SCIN: variants seen among roughly 807,000 people sequenced by gnomAD.
SCIN encodes scinderin, also known as adseverin.
A neutral mutation model predicts 91.8 loss-of-function variants in SCIN; 91 were observed. The ratio of observed to expected loss-of-function variants is 0.99; its 90% CI spans 0.84 to 1.18. The LOEUF is 1.18. SCIN is among the 50% of genes most tolerant of loss of function. SCIN has a pLI of 0.00. For missense variants in SCIN, 1,087 were observed against 863.9 expected, an observed-to-expected ratio of 1.26 and a Z score of -3.24; for synonymous variants, 367 against 312.6, an observed-to-expected ratio of 1.17 and a Z score of -1.84.
rs141073500 is a variant in SCIN, at chr7:12,596,670, A to G, written c.517-7844A>G. Among the ~76,000 whole-genome samples the G allele has an allele frequency of 1.4e-4, 20 of 138,826 alleles. No homozygotes were observed. In the East Asian group the frequency reaches 4.1e-3, roughly 28 times the overall value. 91.1% of individuals were successfully genotyped at this position (138,826 alleles called of 152,430 possible). A position where few individuals can be genotyped will look rare whatever the true frequency, so the allele number is the denominator to read the frequency against. ...GTGGCTGGCAGAAATGCTTTTTGTT[A>G]AAGTATGACTGTAAGCTTTTTTTTT... On this transcript the variant is annotated intron_variant, in intron 3 of 15. Transcript: ENST00000297029.
rs1163834493 is a variant in SCIN at position 12,644,142 on chromosome 7, A to T, written c.1586A>T (p.Asp529Val). The T allele has an allele frequency of 6.2e-7, 1 of 1,611,546 alleles. No individual in the cohort carries two copies. The highest frequency in any genetic ancestry group is 1.1e-5 in the South Asian group (1 of 90,680). Residue 529 changes from aspartate to valine, a missense_variant, in exon 12 of 16, where the codon GAT becomes GTT. Transcript: ENST00000297029. ...LASITRIVEVDVDANSLNSND... is the reference protein window; with the variant it reads ...LASITRIVEVVVDANSLNSND... ...TTATTTTTCTTCATATTCCAGGTTGATGTTGATGCAAATTCACTGAATTCT... is the reference window on the plus strand; with the variant it reads ...TTATTTTTCTTCATATTCCAGGTTGTTGTTGATGCAAATTCACTGAATTCT...
chr7:12,628,450 C>G (rs1300006509), intron 8 of SCIN, among the ~76,000 whole-genome samples: 1 of 152,116 alleles, frequency 6.6e-6, no homozygotes, highest in Non-Finnish European at 1.5e-5. Flanking sequence ...AGACTTTTTG[C>G]TGCATCCTCA....
At chr7:12,600,326 T>C (rs1782932515) in intron 3 of SCIN, among the ~76,000 whole-genome samples, 2 of 152,120 alleles carry the variant, frequency 1.3e-5, no homozygotes. Flanking sequence ...ATAAGAATAA[T>C]ACATTGACAT....
chr7:12,634,372 C>T (rs1055236291), intron 9 of SCIN, among the ~76,000 whole-genome samples: 1 of 151,912 alleles, frequency 6.6e-6, no homozygotes, highest in Non-Finnish European at 1.5e-5. Flanking sequence ...GTAGTCCCAG[C>T]TACTCGGGAG....
intron 4 of SCIN, among the ~76,000 whole-genome samples, chr7:12,606,354 G>C (rs929251349): frequency 3.3e-5 from 5 of 152,062 alleles, no homozygotes; most frequent in Middle Eastern, 3.2e-3. Flanking sequence ...CTATCTAAAG[G>C]CTATCTCATA....
rs1345065083 is a variant in SCIN, at chr7:12,622,859, A to G, written c.725A>G (p.Asp242Gly). Residue 242 changes from aspartate (D) to glycine (G), a missense_variant, in exon 5 of 16, where the codon GAC becomes GGC. Coordinates refer to ENST00000297029, the MANE Select transcript of SCIN (RefSeq NM_001112706.3). ...GGTGATGATGATGACATTATAGCAG[A>G]CATAAGTAACAGGAAAATGGCTAAA... ...DGGDDDDIIA[D>G]ISNRKMAKLY... is the part of the protein sequence containing the mutation. The G allele has an allele frequency of 1.2e-6, 2 of 1,612,934 alleles. No individual in the cohort carries two copies. The highest frequency in any genetic ancestry group is 2.7e-5 in the African/African-American group (2 of 74,848).
At chr7:12,627,922 G>T (rs1264168079) in intron 8 of SCIN, among the ~76,000 whole-genome samples, 5 of 152,048 alleles carry the variant, frequency 3.3e-5, no homozygotes, top group African/African-American at 1.2e-4. Context: ...GGATAGTATG[G>T]GGTGGCCTCT....
Position 12,581,285 on chromosome 7 carries a change from T to C in SCIN, c.516+64T>C, listed in dbSNP as rs1782483521. ...TGAATTGCTTTCGGATCAAATCATA[T>C]GTACATGTCATTGAAAAGAATCACT... is the stretch of plus-strand genomic sequence containing the variant. On this transcript the variant is annotated intron_variant, in intron 3 of 15. Transcript: ENST00000297029. 3.4e-6 allele frequency: 5 copies of C among 1,452,718 alleles called. No individual in the cohort carries two copies. The East Asian group carries it at 1.0e-4, about 29-fold the overall frequency. 90.0% of individuals were successfully genotyped at this position (1,452,718 alleles called of 1,614,324 possible). A position where few individuals can be genotyped will look rare whatever the true frequency, so the allele number is the denominator to read the frequency against.
At chr7:12,586,417 A>C (rs981311195) in intron 3 of SCIN, among the ~76,000 whole-genome samples, 15 of 152,220 alleles carry the variant, frequency 9.9e-5, no homozygotes, top group African/African-American at 3.6e-4. Context: ...TGTCATCAAA[A>C]ACACACACAG....
chr7:12,609,019 A>G (rs1159779495), intron 4 of SCIN, among the ~76,000 whole-genome samples: 1 of 152,194 alleles, frequency 6.6e-6, no homozygotes, highest in African/African-American at 2.4e-5. Context: ...TGAAAAATTT[A>G]TCTTTAGTTT....
chr7:12,579,538 G>A (rs1455611939), intron 2 of SCIN, among the ~76,000 whole-genome samples: 3 of 152,114 alleles, frequency 2.0e-5, no homozygotes, highest in East Asian at 1.9e-4. Context: ...AAAATACTGA[G>A]CTTTCTGTGC....
intron 4 of SCIN, among the ~76,000 whole-genome samples, chr7:12,611,940 A>G (rs1193338088): frequency 6.6e-6 from 1 of 152,088 alleles, no homozygotes. Context: ...AAAAAAAAAA[A>G]AAGATTAAGG....
At chr7:12,608,323 A>ACACACG (rs994604802) in intron 4 of SCIN, among the ~76,000 whole-genome samples, 7 of 47,360 alleles carry the variant, frequency 1.5e-4, no homozygotes, top group Non-Finnish European at 3.5e-4. Context: ...GCACACATGC[A>ACACACG]CACACACACA....
At chr7:12,645,405 A>G (rs989550095) in intron 13 of SCIN, among the ~76,000 whole-genome samples, 2 of 152,236 alleles carry the variant, frequency 1.3e-5, no homozygotes, top group Admixed American at 6.5e-5. Context: ...TGGCTCTGAC[A>G]CCTTCAGACA....
chr7:12,593,799 C>T (rs1782778446), intron 3 of SCIN, among the ~76,000 whole-genome samples: 1 of 152,160 alleles, frequency 6.6e-6, no homozygotes, highest in Non-Finnish European at 1.5e-5. Flanking sequence ...GGAACAGCAG[C>T]AGCTCCTACG....
chr7:12,578,847 A>C (rs181234684), intron 2 of SCIN, among the ~76,000 whole-genome samples: 1 of 150,134 alleles, frequency 6.7e-6, no homozygotes, highest in Admixed American at 6.7e-5. Flanking sequence ...ACTTCTGAAA[A>C]TAAACAAGAA....
chr7:12,625,101 T>C lies in SCIN; in HGVS notation c.851T>C (p.Ile284Thr), dbSNP rs1217249742. The stretch of plus-strand genomic sequence containing the variant: ...ATGCTGCTGTCTGAAGAATGCTTTA[T>C]TTTGGACCACGGGGCTGCCAAACAA... ...MAMLLSEECF[I>T]LDHGAAKQIF... The change falls in exon 6 of 16, where the codon ATT becomes ACT. Residue 284 changes from isoleucine (I) to threonine (T), a missense_variant. Coordinates refer to ENST00000297029, the MANE Select transcript of SCIN (RefSeq NM_001112706.3). The C allele has an allele frequency of 3.1e-6, 5 of 1,608,774 alleles. No homozygotes were observed. The highest frequency in any genetic ancestry group is 8.5e-7 in the Non-Finnish European group (1 of 1,177,582).
At chr7:12,601,868 A>G (rs1056935575) in intron 3 of SCIN, among the ~76,000 whole-genome samples, 8 of 152,220 alleles carry the variant, frequency 5.3e-5, no homozygotes, top group African/African-American at 1.7e-4. Context: ...CTACATCAGT[A>G]TTTAAACATT....
rs1784232331 is a variant in SCIN, at chr7:12,660,033, C to A, written c.*7318C>A. 6.6e-6 allele frequency: 1 copy of A among 152,220 alleles called. No homozygotes were observed. The highest frequency in any genetic ancestry group is 2.4e-5 in the African/African-American group (1 of 41,404). 9.4% of individuals were successfully genotyped at this position (152,220 alleles called of 1,614,324 possible). A position where few individuals can be genotyped will look rare whatever the true frequency, so the allele number is the denominator to read the frequency against. On this transcript the variant is annotated 3_prime_UTR_variant, in exon 16 of 16. Coordinates refer to ENST00000297029, the MANE Select transcript of SCIN (RefSeq NM_001112706.3). ...TGAGAATGTACTTTGTGAGATCCAC[C>A]CCCTGCCAGCAAAACATTGCTCCTG...
Sources: allele counts gnomAD v4.1 joint callset (sites outside exome capture counted in the v4.1 genomes callset), GRCh38; gene constraint gnomAD v4.1.1; transcripts MANE v1.5; gene names NCBI Gene and HGNC (gene_info 2026-07-23, HGNC 2026-07-21).